The following SH3BP5 variants were observed in gnomAD, a reference collection of about 807,000 sequenced individuals.
SH3BP5 encodes SH3 domain-binding protein 5.
In SH3BP5, 22 loss-of-function variants were observed where a neutral mutation model predicts 43.3. The observed-to-expected ratio is 0.51, with a 90% CI of 0.36 to 0.73. The LOEUF (loss-of-function observed/expected upper bound fraction) is 0.73, where lower values mean the gene tolerates loss of function less well. Ranked by LOEUF, SH3BP5 falls within the 30% of genes least tolerant of loss-of-function variation. The probability of loss-of-function intolerance (pLI) is 0.00; values close to 1 mark genes in which losing one functional copy is unlikely to be tolerated. For missense variants in SH3BP5, 529 were observed against 586.9 expected (o/e 0.90, Z 1.02); for synonymous variants, 255 against 225.8 (o/e 1.13, Z -1.16).
intron 2 of SH3BP5, among the ~76,000 whole-genome samples, chr3:15,321,838 T>C (rs1158849810): frequency 6.6e-6 from 1 of 152,044 alleles, no homozygotes; most frequent in African/African-American, 2.4e-5. Flanking sequence ...ATCTAAAGTC[T>C]TACTCTCAAT....
At chr3:15,298,273 C>G (rs987243486) in intron 3 of SH3BP5, among the ~76,000 whole-genome samples, 2 of 152,140 alleles carry the variant, frequency 1.3e-5, no homozygotes, top group African/African-American at 4.8e-5. Context: ...TAGCCAACTC[C>G]ATTTTATGGA....
At chr3:15,308,029 A>AT (rs1697957414) in intron 2 of SH3BP5, among the ~76,000 whole-genome samples, 1 of 151,314 alleles carries the variant, frequency 6.6e-6, no homozygotes, top group African/African-American at 2.4e-5. Context: ...CAAACTTTTC[A>AT]TTTAAAGAAA....
At chr3:15,259,170 A>G in intron 6 of SH3BP5, 120 bp from the exon 7 acceptor site, 2 of 768,704 alleles carry the variant, frequency 2.6e-6, no homozygotes, top group Non-Finnish European at 2.2e-6. Context: ...TTTCCAAGAC[A>G]TGACTGAAGA....
intron 2 of SH3BP5, among the ~76,000 whole-genome samples, chr3:15,308,673 T>C (rs1697976715): frequency 6.6e-6 from 1 of 152,196 alleles, no homozygotes; most frequent in Admixed American, 6.5e-5. Context: ...TGGGAGGGCA[T>C]GGCACAGTGG....
At position 15,338,035 on chromosome 3, in the gene SH3BP5, CA is replaced by C. The variant is rs200408631; in HGVS notation, c.-402+3187del. On this transcript the variant is annotated intron_variant, in intron 1 of 8. Coordinates refer to the SH3BP5 transcript ENST00000408919. Reference sequence around the variant, plus strand: ...TTTAAATTAAGATTCCTTGCAATGCCAATTTTTTTTTTTAATGCTTTGTGAG... The same window carrying C: ...TTTAAATTAAGATTCCTTGCAATGCCATTTTTTTTTTTAATGCTTTGTGAG... 4.0e-4 allele frequency among the ~76,000 whole-genome samples: 60 copies of C among 151,270 alleles called. 1 individual carries two copies. The highest frequency in any genetic ancestry group is 1.4e-3 in the African/African-American group (57 of 41,068).
At chr3:15,298,160 G>A (rs1261724775) in intron 3 of SH3BP5, among the ~76,000 whole-genome samples, 1 of 151,792 alleles carries the variant, frequency 6.6e-6, no homozygotes, top group Non-Finnish European at 1.5e-5. Context: ...TAGAGACTGG[G>A]TCTCACTACA....
At chr3:15,301,121 G>A (rs1320291505) in intron 3 of SH3BP5, among the ~76,000 whole-genome samples, 1 of 152,150 alleles carries the variant, frequency 6.6e-6, no homozygotes, top group Non-Finnish European at 1.5e-5. Context: ...GCAGGGAGTG[G>A]TGTGAAATCT....
At chr3:15,318,930 AAGTG>A (rs1698252601) in intron 2 of SH3BP5, among the ~76,000 whole-genome samples, 1 of 135,156 alleles carries the variant, frequency 7.4e-6, no homozygotes, top group African/African-American at 2.9e-5. Context: ...AACAAGTTCC[AAGTG>A]GGGAAGCAGA....
At chr3:15,286,253 T>G (rs1215891215) in intron 3 of SH3BP5, among the ~76,000 whole-genome samples, 2 of 152,126 alleles carry the variant, frequency 1.3e-5, no homozygotes, top group African/African-American at 4.8e-5. Flanking sequence ...AGGGCCAGGG[T>G]AGCAGCTCCG....
chr3:15,264,537 A>G (rs112753831), intron 4 of SH3BP5: 114 of 152,344 alleles, frequency 7.5e-4, no homozygotes, highest in African/African-American at 2.6e-3. Flanking sequence ...TCTTAAAAAT[A>G]TCTTTTAACA....
intron 1 of SH3BP5, among the ~76,000 whole-genome samples, chr3:15,339,582 C>T (rs1317883470): frequency 4.6e-5 from 7 of 152,010 alleles, no homozygotes; most frequent in South Asian, 4.1e-4. Flanking sequence ...CTGTGGCATG[C>T]GACTGTAGTC....
chr3:15,338,841 G>A (rs1698731815), intron 1 of SH3BP5, among the ~76,000 whole-genome samples: 1 of 152,120 alleles, frequency 6.6e-6, no homozygotes, highest in Admixed American at 6.5e-5. Flanking sequence ...CTTTAGGATG[G>A]CATGTAGTCT....
At chr3:15,312,703 ATC>A (rs1172600649) in intron 2 of SH3BP5, among the ~76,000 whole-genome samples, 7 of 152,190 alleles carry the variant, frequency 4.6e-5, no homozygotes, top group Non-Finnish European at 8.8e-5. Flanking sequence ...ACGTTTGTTA[ATC>A]TCTTTCTTAA....
chr3:15,330,487 A>G lies in SH3BP5; in HGVS notation c.201+17T>C. 6.2e-7 allele frequency: 1 copy of G among 1,604,870 alleles called. No individual in the cohort carries two copies. The highest frequency in any genetic ancestry group is 8.5e-7 in the Non-Finnish European group (1 of 1,171,812). Reference sequence around the variant, plus strand: ...GTGACATCACTTCACCAAGAACAGGAACTCAGCTCTCTGTACCTCAAGTTC... The same window carrying G: ...GTGACATCACTTCACCAAGAACAGGGACTCAGCTCTCTGTACCTCAAGTTC... On this transcript the variant is annotated intron_variant, in intron 2 of 8. Coordinates refer to ENST00000383791, the MANE Select transcript of SH3BP5 (RefSeq NM_004844.5).
At chr3:15,336,082 C>T (rs574422502), upstream of SH3BP5, among the ~76,000 whole-genome samples, 13 of 152,048 alleles carry the variant, frequency 8.5e-5, no homozygotes, top group African/African-American at 2.9e-4. Flanking sequence ...TGTAGTGAGC[C>T]GAGATGGCAC....
chr3:15,281,776 G>A (rs1697136628), intron 3 of SH3BP5, among the ~76,000 whole-genome samples: 2 of 152,166 alleles, frequency 1.3e-5, no homozygotes, highest in African/African-American at 4.8e-5. Flanking sequence ...GCTGAGGCAG[G>A]TGGATTACAT....
rs1553612185 is a variant in SH3BP5, at chr3:15,254,877, C to CTT, written c.*1207_*1208dup. 1 of 152,128 alleles carries CTT rather than the reference C, an allele frequency of 6.6e-6. No individual in the cohort carries two copies. The highest frequency in any genetic ancestry group is 1.5e-5 in the Non-Finnish European group (1 of 68,046). The allele number at this position is 152,128 out of a possible 1,614,324, so 9.4% of individuals were successfully genotyped here. On this transcript the variant is annotated 3_prime_UTR_variant, in exon 9 of 9. Transcript: ENST00000383791. ...CTTTTCTCAAGCCGTTTTTATTACA[C>CTT]TTAGTGTATTAAGACAAGTACAAAA... is the stretch of plus-strand genomic sequence containing the variant.
In SH3BP5 at chr3:15,255,762, T is replaced by C. The variant is rs1696171676; in HGVS notation, c.*324A>G. On this transcript the variant is annotated 3_prime_UTR_variant, in exon 9 of 9. Transcript: ENST00000383791. ...GAGAAGCAAGCTGTTGCCCCCACTT[T>C]GGCCTGGCTTCCCAGCCATCTTCCC... 9.0e-6 allele frequency: 2 copies of C among 222,514 alleles called. No individual in the cohort carries two copies. The highest frequency in any genetic ancestry group is 1.1e-4 in the South Asian group (1 of 9,106). The allele number at this position is 222,514 out of a possible 1,614,324, so 13.8% of individuals were successfully genotyped here.
chr3:15,299,104 G>C (rs1034677918), intron 3 of SH3BP5, among the ~76,000 whole-genome samples: 3 of 152,210 alleles, frequency 2.0e-5, no homozygotes, highest in Non-Finnish European at 4.4e-5. Context: ...TGTTAGACCA[G>C]TCAGCACCCA....
Sources: allele counts gnomAD v4.1 joint callset (sites outside exome capture counted in the v4.1 genomes callset), GRCh38; gene constraint gnomAD v4.1.1; transcripts MANE v1.5; gene names NCBI Gene and HGNC (gene_info 2026-07-23, HGNC 2026-07-21).